LINGO2: variants seen among roughly 807,000 people sequenced by gnomAD.
LINGO2 encodes leucine rich repeat and Ig domain containing 2, also known as leucine-rich repeat and immunoglobulin-like domain-containing nogo receptor-interacting protein 2.
A neutral mutation model predicts 30.6 loss-of-function variants in LINGO2; 14 were observed. The ratio of observed to expected loss-of-function variants is 0.46; its 90% confidence interval spans 0.30 to 0.72. LINGO2 has a LOEUF of 0.72. LINGO2 is among the 30% of genes least tolerant of loss of function. LINGO2 has a pLI of 0.07. For missense variants in LINGO2, 729 were observed against 751.7 expected (o/e 0.97, Z 0.35); for synonymous variants, 317 against 288.5 (o/e 1.10, Z -1.00).
intron 1 of LINGO2, among the ~76,000 whole-genome samples, chr9:28,545,038 A>T (rs1821870210): frequency 6.6e-6 from 1 of 151,946 alleles, no homozygotes; most frequent in Non-Finnish European, 1.5e-5. Context: ...TAAAACAATT[A>T]TTATTTGCAT....
chr9:28,046,243 G>A (rs947119981), intron 4 of LINGO2, among the ~76,000 whole-genome samples: 2 of 152,076 alleles, frequency 1.3e-5, no homozygotes, highest in African/African-American at 4.8e-5. Context: ...CATACTGTGT[G>A]ACAAGAAGAA....
At chr9:28,467,126 C>T (rs562839147) in intron 2 of LINGO2, among the ~76,000 whole-genome samples, 8 of 151,822 alleles carry the variant, frequency 5.3e-5, no homozygotes, top group South Asian at 4.2e-4. Context: ...CCTGGGTTCA[C>T]GCCATTCTCC....
the LINGO2 span, among the ~76,000 whole-genome samples, chr9:29,184,725 C>A: frequency 6.6e-6 from 1 of 151,538 alleles, no homozygotes; most frequent in African/African-American, 2.4e-5. Flanking sequence ...CCTCCTCCCT[C>A]CCTCTCCCTT....
intron 1 of LINGO2, among the ~76,000 whole-genome samples, chr9:28,634,185 C>G (rs1827137894): frequency 1.3e-5 from 2 of 152,152 alleles, no homozygotes; most frequent in South Asian, 4.1e-4. Flanking sequence ...GAAATTTACT[C>G]TCACATATGT....
chr9:27,943,023 A>G, the LINGO2 span: 1 of 152,314 alleles, frequency 6.6e-6, no homozygotes, highest in African/African-American at 2.4e-5. Context: ...TATCACACAG[A>G]TATGTATATA....
intron 5 of LINGO2, among the ~76,000 whole-genome samples, chr9:27,988,795 A>G (rs1186456346): frequency 6.6e-6 from 1 of 151,872 alleles, no homozygotes; most frequent in African/African-American, 2.4e-5. Flanking sequence ...AACTGGCACC[A>G]CTGTTCATCC....
chr9:28,761,532 T>C, the LINGO2 span, among the ~76,000 whole-genome samples: 2 of 151,826 alleles, frequency 1.3e-5, no homozygotes, highest in East Asian at 2.0e-4. Flanking sequence ...TAAAGGCATA[T>C]AAGAAAATTA....
chr9:27,945,370 A>T (rs1823324891), downstream of LINGO2, among the ~76,000 whole-genome samples: 1 of 152,166 alleles, frequency 6.6e-6, no homozygotes, highest in African/African-American at 2.4e-5. Context: ...CTCCTGTAAG[A>T]ACTGAGGAAC....
At chr9:28,038,238 C>CATT (rs1824031360) in intron 4 of LINGO2, among the ~76,000 whole-genome samples, 2 of 151,684 alleles carry the variant, frequency 1.3e-5, no homozygotes, top group Admixed American at 1.3e-4. Flanking sequence ...ATTTAAGTAT[C>CATT]CATTAAGTGG....
At chr9:28,912,378 T>C in the LINGO2 span, among the ~76,000 whole-genome samples, 7,066 of 152,140 alleles carry the variant, frequency 0.046, 550 homozygotes, top group African/African-American at 0.16. Flanking sequence ...TCCACTCATC[T>C]AGTCATTTAC....
chr9:28,182,445 C>G (rs1422433531), intron 4 of LINGO2, among the ~76,000 whole-genome samples: 1 of 152,082 alleles, frequency 6.6e-6, no homozygotes, highest in Non-Finnish European at 1.5e-5. Context: ...AATTGCAACA[C>G]AAGCCAAAAT....
At chr9:29,203,956 T>G in the LINGO2 span, among the ~76,000 whole-genome samples, 5,080 of 152,274 alleles carry the variant, frequency 0.033, 264 homozygotes, top group African/African-American at 0.11. Flanking sequence ...TAATAAAAAT[T>G]ACACATTAAG....
At chr9:28,818,182 G>A in the LINGO2 span, among the ~76,000 whole-genome samples, 6 of 152,138 alleles carry the variant, frequency 3.9e-5, no homozygotes, top group Admixed American at 6.5e-5. Context: ...CATACATGCA[G>A]TTCATTAGTT....
chr9:28,586,239 T>C (rs188474682), intron 1 of LINGO2, among the ~76,000 whole-genome samples: 25 of 152,124 alleles, frequency 1.6e-4, no homozygotes, highest in Non-Finnish European at 3.1e-4. Flanking sequence ...ACAAGTTCTA[T>C]AAGTCTCATT....
At chr9:28,267,598 C>A (rs1469540577) in intron 4 of LINGO2, among the ~76,000 whole-genome samples, 1 of 152,018 alleles carries the variant, frequency 6.6e-6, no homozygotes, top group Non-Finnish European at 1.5e-5. Context: ...TGCTACCAAT[C>A]TGTAGCCTGC....
chr9:28,903,313 A>C, the LINGO2 span, among the ~76,000 whole-genome samples: 1 of 152,164 alleles, frequency 6.6e-6, no homozygotes, highest in Non-Finnish European at 1.5e-5. Context: ...CTACCTACCA[A>C]GGCTGACTCA....
chr9:28,063,509 C>T (rs368708279), intron 4 of LINGO2, among the ~76,000 whole-genome samples: 8 of 151,826 alleles, frequency 5.3e-5, no homozygotes, highest in Admixed American at 1.3e-4. Flanking sequence ...GGTGATCTTC[C>T]GACCTCAGCC....
chr9:28,733,056 C>T, the LINGO2 span, among the ~76,000 whole-genome samples: 478 of 152,262 alleles, frequency 3.1e-3, 4 homozygotes, highest in Non-Finnish European at 5.0e-3. Context: ...ATAAGAAATA[C>T]TTTAAAAACC....
intron 2 of LINGO2, among the ~76,000 whole-genome samples, chr9:28,401,722 C>T (rs1240699748): frequency 3.3e-5 from 5 of 152,258 alleles, no homozygotes; most frequent in African/African-American, 4.8e-5. Flanking sequence ...CTGTCTTCCA[C>T]AATGGTTGAA....
Sources: allele counts gnomAD v4.1 joint callset (sites outside exome capture counted in the v4.1 genomes callset), GRCh38; gene constraint gnomAD v4.1.1; transcripts MANE v1.5; gene names NCBI Gene and HGNC (gene_info 2026-07-23, HGNC 2026-07-21).